The following GPR39 variants were observed in gnomAD, a reference collection of about 807,000 sequenced individuals.
The protein encoded by GPR39 is zinc sensing receptor.
Under a neutral mutation model 18.4 loss-of-function variants are expected in GPR39, and 23 were observed. That is an observed-to-expected ratio of 1.25 (90% confidence interval 0.90 to 1.77). The LOEUF (loss-of-function observed/expected upper bound fraction) is 1.77, where lower values mean the gene tolerates loss of function less well. Among genes scored for constraint, GPR39 ranks in the 40% most tolerant of loss-of-function variants. The pLI is 0.00. For missense variants in GPR39, 647 were observed against 602.4 expected, an observed-to-expected ratio of 1.07 and a Z score of -0.78; for synonymous variants, 280 against 257.9, an observed-to-expected ratio of 1.09 and a Z score of -0.82.
chr2:132,521,142 G>A lies in GPR39; in HGVS notation c.856+103244G>A, dbSNP rs1475595012. 2.0e-5 allele frequency among the ~76,000 whole-genome samples: 3 copies of A among 152,278 alleles called. No homozygotes were observed. In the South Asian group the frequency reaches 6.2e-4, roughly 32 times the overall value. ...AATGGGAACAAGGGAGAAGGATGAA[G>A]GGTCCAAGGCAAAAGGACAAGCTAC... On this transcript the variant is annotated intron_variant, in intron 1 of 1. Coordinates refer to ENST00000329321, the MANE Select transcript of GPR39 (RefSeq NM_001508.3).
chr2:132,439,800 G>C (rs1176131596), intron 1 of GPR39, among the ~76,000 whole-genome samples: 2 of 152,228 alleles, frequency 1.3e-5, no homozygotes, highest in Non-Finnish European at 2.9e-5. Context: ...CTAGGAGCTA[G>C]TGGTGGCCAG....
intron 1 of GPR39, among the ~76,000 whole-genome samples, chr2:132,531,317 A>T (rs930325620): frequency 1.3e-5 from 2 of 152,230 alleles, no homozygotes; most frequent in African/African-American, 4.8e-5. Flanking sequence ...TCCTAAATAT[A>T]TATGCACCCG....
intron 1 of GPR39, among the ~76,000 whole-genome samples, chr2:132,625,506 G>A (rs1036901880): frequency 2.6e-5 from 4 of 152,138 alleles, no homozygotes; most frequent in Non-Finnish European, 4.4e-5. Flanking sequence ...TGACTTCTCG[G>A]CACATAGTGC....
intron 1 of GPR39, among the ~76,000 whole-genome samples, chr2:132,477,007 C>A (rs1681142952): frequency 6.6e-6 from 1 of 152,202 alleles, no homozygotes; most frequent in South Asian, 2.1e-4. Context: ...TTGCCTCTGG[C>A]TGTGGTGGGC....
chr2:132,433,583 C>G (rs1680260788), intron 1 of GPR39: 1 of 151,438 alleles, frequency 6.6e-6, no homozygotes, highest in Admixed American at 6.6e-5. Flanking sequence ...CATGATATCA[C>G]AAGAAAAAGC....
At chr2:132,501,828 T>C (rs1323848300) in intron 1 of GPR39, among the ~76,000 whole-genome samples, 1 of 152,204 alleles carries the variant, frequency 6.6e-6, no homozygotes, top group African/African-American at 2.4e-5. Context: ...CACTATATAA[T>C]GTCCCTCTTT....
chr2:132,444,221 C>T (rs962433029), intron 1 of GPR39, among the ~76,000 whole-genome samples: 12 of 152,144 alleles, frequency 7.9e-5, no homozygotes, highest in African/African-American at 1.7e-4. Context: ...CAGAATTACC[C>T]GAACTATTGA....
chr2:132,560,692 T>G (rs994725402), intron 1 of GPR39, among the ~76,000 whole-genome samples: 1 of 152,296 alleles, frequency 6.6e-6, no homozygotes, highest in South Asian at 2.1e-4. Context: ...TCAGCCTCTT[T>G]TCCTGGTTCC....
At position 132,416,926 on chromosome 2, in the gene GPR39, T is replaced by G; in HGVS notation, c.-117T>G. 7.9e-6 allele frequency: 10 copies of G among 1,268,594 alleles called. No individual in the cohort carries two copies. The highest frequency in any genetic ancestry group is 1.1e-5 in the Non-Finnish European group (10 of 914,020). The allele number at this position is 1,268,594 out of a possible 1,614,324, so 78.6% of individuals were successfully genotyped here. A position where few individuals can be genotyped will look rare whatever the true frequency, so the allele number is the denominator to read the frequency against. On this transcript the variant is annotated 5_prime_UTR_variant, in exon 1 of 2. Coordinates refer to ENST00000329321, the MANE Select transcript of GPR39 (RefSeq NM_001508.3). The stretch of plus-strand genomic sequence containing the variant: ...GTTACCTTCGCGAGGAGAACTCGAG[T>G]GAGATAAAATCGTGCGCCCACGCAG...
chr2:132,535,251 T>G (rs1345777989), intron 1 of GPR39, among the ~76,000 whole-genome samples: 1 of 152,190 alleles, frequency 6.6e-6, no homozygotes, highest in Non-Finnish European at 1.5e-5. Flanking sequence ...CAATACCTAG[T>G]TTGTTGAGAG....
In GPR39 at chr2:132,553,935, G is replaced by A. The variant is rs568699132; in HGVS notation, c.857-91166G>A. On this transcript the variant is annotated intron_variant, in intron 1 of 1. Coordinates refer to ENST00000329321, the MANE Select transcript of GPR39 (RefSeq NM_001508.3). ...CAATACATTGGCCACAGAGGACATG[G>A]GTATTGTGGAATCAGAAGATGCTTG... Among the ~76,000 whole-genome samples, 12 of 152,240 alleles carry A rather than the reference G, an allele frequency of 7.9e-5. No homozygotes were observed. In the South Asian group the frequency reaches 1.2e-3, roughly 16 times the overall value.
chr2:132,565,396 CTTTTTTTT>C (rs67095358), intron 1 of GPR39, among the ~76,000 whole-genome samples: 1 of 138,020 alleles, frequency 7.2e-6, no homozygotes, highest in Admixed American at 7.1e-5. Flanking sequence ...GATGAGTTTC[CTTTTTTTT>C]TTTTTTTTAT....
At chr2:132,445,739 A>G (rs1211471219) in intron 1 of GPR39, among the ~76,000 whole-genome samples, 2 of 152,216 alleles carry the variant, frequency 1.3e-5, no homozygotes, top group African/African-American at 4.8e-5. Flanking sequence ...GTAGCTCTCC[A>G]ATACAATGCT....
chr2:132,506,870 A>AT (rs58949125), intron 1 of GPR39, among the ~76,000 whole-genome samples: 5,352 of 150,000 alleles, frequency 0.036, 279 homozygotes, highest in African/African-American at 0.12. Context: ...TGTTTCTCCT[A>AT]TTTTTTTTTT....
intron 1 of GPR39, chr2:132,644,711 A>G (rs1384308041): frequency 3.3e-5 from 6 of 184,578 alleles, no homozygotes; most frequent in African/African-American, 1.4e-4. Context: ...TAATGCAGCT[A>G]TACTGTATGT....
intron 1 of GPR39, among the ~76,000 whole-genome samples, chr2:132,588,553 T>C (rs1680771492): frequency 6.6e-6 from 1 of 152,140 alleles, no homozygotes; most frequent in Non-Finnish European, 1.5e-5. Flanking sequence ...ACTCTGTGTG[T>C]GGGGCCTGGG....
At chr2:132,623,814 G>A (rs928397170) in intron 1 of GPR39, among the ~76,000 whole-genome samples, 1 of 152,114 alleles carries the variant, frequency 6.6e-6, no homozygotes, top group Admixed American at 6.5e-5. Context: ...CAATTGCCTT[G>A]GGAAGGTGGC....
At chr2:132,564,976 C>G (rs992467669) in intron 1 of GPR39, among the ~76,000 whole-genome samples, 1 of 151,804 alleles carries the variant, frequency 6.6e-6, no homozygotes, top group African/African-American at 2.4e-5. Context: ...GCCACCATGC[C>G]TGGCTAATTT....
At position 132,438,598 on chromosome 2, in the gene GPR39, T is replaced by TA. The variant is rs1491511419; in HGVS notation, c.856+20701dup. Among the ~76,000 whole-genome samples, 5 of 127,844 alleles carry TA rather than the reference T, an allele frequency of 3.9e-5. No homozygotes were observed. In the South Asian group the frequency reaches 1.2e-3, roughly 31 times the overall value. The allele number at this position is 127,844 out of a possible 152,430, so 83.9% of individuals were successfully genotyped here. Reference sequence around the variant, plus strand: ...CTTTTTTTTTTTTTTTTTTTTTTTTTACATTTTTTTGAGTGTTGTAGAAAA... The same window carrying TA: ...CTTTTTTTTTTTTTTTTTTTTTTTTTAACATTTTTTTGAGTGTTGTAGAAAA... On this transcript the variant is annotated intron_variant, in intron 1 of 1. Transcript: ENST00000329321.
Sources: allele counts gnomAD v4.1 joint callset (sites outside exome capture counted in the v4.1 genomes callset), GRCh38; gene constraint gnomAD v4.1.1; transcripts MANE v1.5; gene names NCBI Gene and HGNC (gene_info 2026-07-23, HGNC 2026-07-21).